The following ENKUR variants were observed in gnomAD, a reference collection of about 807,000 sequenced individuals.
ENKUR encodes enkurin, TRPC channel interacting protein, also known as enkurin.
A neutral mutation model predicts 27.6 loss-of-function variants in ENKUR; 19 were observed. The ratio of observed to expected loss-of-function variants is 0.69; its 90% CI spans 0.48 to 1.01. The LOEUF (loss-of-function observed/expected upper bound fraction) is 1.01, where lower values mean the gene tolerates loss of function less well. Among genes scored for constraint, ENKUR ranks in the 50% least tolerant of loss-of-function variants. ENKUR has a pLI of 0.00. For missense variants in ENKUR, 312 were observed against 310.5 expected, an observed-to-expected ratio of 1.00 and a Z score of -0.04; for synonymous variants, 117 against 96.9, an observed-to-expected ratio of 1.21 and a Z score of -1.22.
At chr10:25,019,513 A>G (rs1850676205), upstream of ENKUR, among the ~76,000 whole-genome samples, 1 of 152,208 alleles carries the variant, frequency 6.6e-6, no homozygotes, top group Non-Finnish European at 1.5e-5. Flanking sequence ...AACAGTAAAA[A>G]TACCACAAAC....
chr10:25,013,549 A>G (rs1708971994), intron 1 of ENKUR, among the ~76,000 whole-genome samples: 1 of 152,206 alleles, frequency 6.6e-6, no homozygotes, highest in African/African-American at 2.4e-5. Context: ...TGGAAAGGAG[A>G]TAATGGTTTC....
At chr10:25,024,874 C>T (rs146872415) in intron 2 of ENKUR, 4 of 1,613,846 alleles carry the variant, frequency 2.5e-6, no homozygotes, top group African/African-American at 1.3e-5. Flanking sequence ...ACATTATGAT[C>T]TAAGGGAAAG....
chr10:25,016,149 C>T lies in ENKUR; in HGVS notation c.-213G>A. The T allele has an allele frequency of 8.2e-7, 1 of 1,219,958 alleles. No homozygotes were observed. Among genetic ancestry groups the T allele is most frequent in the Non-Finnish European group, 1.0e-6 (1 of 978,344 alleles). 75.6% of individuals were successfully genotyped at this position (1,219,958 alleles called of 1,614,324 possible). A position where few individuals can be genotyped will look rare whatever the true frequency, so the allele number is the denominator to read the frequency against. On this transcript the variant is annotated 5_prime_UTR_variant, in exon 1 of 6. Coordinates refer to ENST00000331161, the MANE Select transcript of ENKUR (RefSeq NM_145010.4). ...TATTTCTCTCCGGATTGCTAAGCGT[C>T]GTTGACTGTGCGGTTGCCGTGGAAA...
intron 2 of ENKUR, among the ~76,000 whole-genome samples, chr10:24,997,524 C>T (rs1808952870): frequency 6.6e-6 from 1 of 151,612 alleles, no homozygotes; most frequent in Admixed American, 6.6e-5. Context: ...ATAGCTGGGA[C>T]CACAGATGTG....
chr10:25,019,495 A>T (rs1018042809), upstream of ENKUR, among the ~76,000 whole-genome samples: 16 of 152,202 alleles, frequency 1.1e-4, no homozygotes, highest in Non-Finnish European at 1.5e-5. Context: ...AAAACACGAA[A>T]ATAATGGAAC....
intron 4 of ENKUR, among the ~76,000 whole-genome samples, chr10:24,988,255 T>A (rs1214055343): frequency 7.1e-6 from 1 of 140,528 alleles, no homozygotes; most frequent in Non-Finnish European, 1.5e-5. Context: ...TATATATGTG[T>A]ATATATATAT....
At chr10:25,039,580 C>CA (rs1166752158) in intron 2 of ENKUR, among the ~76,000 whole-genome samples, 1 of 151,810 alleles carries the variant, frequency 6.6e-6, no homozygotes, top group African/African-American at 2.4e-5. Flanking sequence ...ACCCTTGTTT[C>CA]AAAAAAAGCA....
At chr10:25,033,736 T>C (rs933452178) in intron 2 of ENKUR, among the ~76,000 whole-genome samples, 5 of 152,240 alleles carry the variant, frequency 3.3e-5, no homozygotes, top group Admixed American at 6.5e-5. Flanking sequence ...AAGTGCAACA[T>C]AAAATTTGTA....
At chr10:25,023,846 C>G in intron 2 of ENKUR, 1 of 1,614,138 alleles carries the variant, frequency 6.2e-7, no homozygotes. Flanking sequence ...AGTGGGGCTT[C>G]CCCAGAGGAG....
At chr10:25,006,542 C>T (rs1298667365) in intron 1 of ENKUR, among the ~76,000 whole-genome samples, 2 of 152,114 alleles carry the variant, frequency 1.3e-5, no homozygotes, top group African/African-American at 2.4e-5. Context: ...TTTAAGCAAA[C>T]GTGCATGATT....
chr10:25,028,804 TTTGA>T (rs1175738978), intron 2 of ENKUR, among the ~76,000 whole-genome samples: 2 of 152,208 alleles, frequency 1.3e-5, no homozygotes, highest in African/African-American at 2.4e-5. Flanking sequence ...TTGGTTCTTC[TTTGA>T]TTGATTAGAT....
At chr10:25,017,316 A>G (rs995488786), upstream of ENKUR, among the ~76,000 whole-genome samples, 1 of 152,172 alleles carries the variant, frequency 6.6e-6, no homozygotes, top group Non-Finnish European at 1.5e-5. Context: ...TAGGAAAGTC[A>G]TTTAGACGCT....
At chr10:25,025,525 G>T (rs1458872957) in intron 2 of ENKUR, 3 of 1,412,358 alleles carry the variant, frequency 2.1e-6, no homozygotes, top group Non-Finnish European at 2.9e-6. Context: ...CTGATTTGGA[G>T]TACAGTAGCA....
chr10:24,992,021 T>A (rs1172791552), intron 3 of ENKUR, among the ~76,000 whole-genome samples: 3 of 152,160 alleles, frequency 2.0e-5, no homozygotes, highest in African/African-American at 4.8e-5. Flanking sequence ...GCGAGGGGAA[T>A]AAGGGAATTT....
chr10:25,061,008 C>T (rs1349407018), intron 2 of ENKUR: 3 of 1,119,378 alleles, frequency 2.7e-6, no homozygotes, highest in African/African-American at 1.5e-5. Context: ...GCCACTGGGC[C>T]TGGCCCTTAT....
chr10:25,055,955 G>T (rs1471210138), intron 2 of ENKUR, among the ~76,000 whole-genome samples: 1 of 151,992 alleles, frequency 6.6e-6, no homozygotes, highest in African/African-American at 2.4e-5. Context: ...GCACTGTATT[G>T]CTTATAACTT....
intron 3 of ENKUR, among the ~76,000 whole-genome samples, chr10:24,992,291 AAAG>A (rs1849945006): frequency 6.6e-6 from 1 of 152,202 alleles, no homozygotes; most frequent in Non-Finnish European, 1.5e-5. Context: ...GAAGTAAAAT[AAAG>A]AAGGATAGTG....
In ENKUR at chr10:25,059,684, G is replaced by A. The variant is rs924566465; in HGVS notation, c.37+1428C>T. On this transcript the variant is annotated intron_variant, in intron 2 of 5. Coordinates refer to the ENKUR transcript ENST00000615958. ...GAAATTACATTTTAGGGCCAGGCATGGTGGCTCACGCCTGTAAGCCTGGAA... is the reference window on the plus strand; with the variant it reads ...GAAATTACATTTTAGGGCCAGGCATAGTGGCTCACGCCTGTAAGCCTGGAA... Among the ~76,000 whole-genome samples the A allele has an allele frequency of 8.5e-5, 13 of 152,272 alleles. 1 individual carries two copies. Among genetic ancestry groups the A allele is most frequent in the Middle Eastern group, 3.4e-3 (1 of 294 alleles).
intron 1 of ENKUR, among the ~76,000 whole-genome samples, chr10:25,061,699 C>T (rs946048104): frequency 2.0e-5 from 3 of 152,150 alleles, no homozygotes; most frequent in African/African-American, 7.2e-5. Context: ...ACAAGCTGCC[C>T]TTCTCCACCT....
Sources: allele counts gnomAD v4.1 joint callset (sites outside exome capture counted in the v4.1 genomes callset), GRCh38; gene constraint gnomAD v4.1.1; transcripts MANE v1.5; gene names NCBI Gene and HGNC (gene_info 2026-07-23, HGNC 2026-07-21).